CCND3: variants seen among roughly 807,000 people sequenced by gnomAD.
CCND3 encodes the protein G1/S-specific cyclin-D3.
In CCND3, 9 loss-of-function variants were observed where a neutral mutation model predicts 28.7. That is an observed-to-expected ratio of 0.31 (90% CI 0.19 to 0.55). The LOEUF is 0.55. Ranked by LOEUF, CCND3 falls within the 20% of genes least tolerant of loss-of-function variation. The pLI, the probability that CCND3 is intolerant of heterozygous loss-of-function variation, is 0.93. For synonymous variants in CCND3, 164 were observed against 163.9 expected (o/e 1.00, Z 0.00); for missense variants, 315 against 385.8 (o/e 0.82, Z 1.54).
chr6:42,012,666 C>T (rs954409739), intron 1 of CCND3, among the ~76,000 whole-genome samples: 1 of 152,098 alleles, frequency 6.6e-6, no homozygotes, highest in Non-Finnish European at 1.5e-5. Context: ...TTTCTACATG[C>T]TGGAATTCTG....
chr6:41,943,963 TGG>T (rs1776105417), upstream of CCND3, among the ~76,000 whole-genome samples: 2 of 152,244 alleles, frequency 1.3e-5, no homozygotes, highest in African/African-American at 4.8e-5. Context: ...ATTTTTTGTT[TGG>T]TTTTTTAACT....
intron 1 of CCND3, among the ~76,000 whole-genome samples, chr6:42,040,868 C>CA (rs142222742): frequency 0.037 from 4,526 of 121,582 alleles, 82 homozygotes; most frequent in African/African-American, 0.051. Flanking sequence ...AACAAACAAA[C>CA]AAAAAAAAAA....
At chr6:42,032,680 C>G (rs991296447) in intron 1 of CCND3, among the ~76,000 whole-genome samples, 1 of 152,368 alleles carries the variant, frequency 6.6e-6, no homozygotes, top group East Asian at 1.9e-4. Flanking sequence ...GTCCAGCCCC[C>G]TCCCTGACAG....
chr6:41,935,737 G>A lies in CCND3; in HGVS notation c.*203C>T. On this transcript the variant is annotated 3_prime_UTR_variant, in exon 5 of 5. Transcript: ENST00000372991. ...GGTCAGATGCAGGGAGGAGGAGCTTGACTAGCCACCGAAATGCAGACATGG... is the reference window on the plus strand; with the variant it reads ...GGTCAGATGCAGGGAGGAGGAGCTTAACTAGCCACCGAAATGCAGACATGG... 1.7e-6 allele frequency: 1 copy of A among 578,932 alleles called. No homozygotes were observed. The highest frequency in any genetic ancestry group is 2.2e-5 in the South Asian group (1 of 45,868). The allele number at this position is 578,932 out of a possible 1,614,324, so 35.9% of individuals were successfully genotyped here. A position where few individuals can be genotyped will look rare whatever the true frequency, so the allele number is the denominator to read the frequency against.
At chr6:41,942,744 C>G (rs1044800779), upstream of CCND3, among the ~76,000 whole-genome samples, 1 of 152,032 alleles carries the variant, frequency 6.6e-6, no homozygotes, top group African/African-American at 2.4e-5. Flanking sequence ...TTCCACTTGA[C>G]GAAGAGGCCG....
At chr6:41,980,759 C>A (rs368141068) in intron 1 of CCND3, among the ~76,000 whole-genome samples, 16 of 152,114 alleles carry the variant, frequency 1.1e-4, no homozygotes, top group African/African-American at 3.4e-4. Context: ...TCCGCCACAT[C>A]AATAGGCTAA....
rs565579282 is a variant in CCND3 at position 42,047,589 on chromosome 6, C to T, written c.-46+912G>A. Among the ~76,000 whole-genome samples the T allele has an allele frequency of 5.9e-5, 9 of 152,256 alleles. No individual in the cohort carries two copies. In the South Asian group the frequency reaches 1.9e-3, roughly 32 times the overall value. On this transcript the variant is annotated intron_variant, in intron 1 of 4. Coordinates refer to the CCND3 transcript ENST00000372988. ...CCCCAGGTGGACCCTCCCAGCTGTA[C>T]CCAGCTGGGAATTCCTGGGTTCTTG...
intron 1 of CCND3, among the ~76,000 whole-genome samples, chr6:42,003,920 C>T (rs960298128): frequency 1.1e-4 from 13 of 122,330 alleles, no homozygotes; most frequent in African/African-American, 3.5e-4. Flanking sequence ...GCCTGGGCGA[C>T]AGAGTGAGAC....
intron 1 of CCND3, among the ~76,000 whole-genome samples, chr6:42,028,852 C>A (rs769737528): frequency 6.6e-6 from 1 of 152,230 alleles, no homozygotes; most frequent in Non-Finnish European, 1.5e-5. Context: ...GTTCAATACA[C>A]GTTCGTGTTC....
chr6:41,964,465 T>TGTGTGTGA lies in CCND3; in HGVS notation c.-45-23881_-45-23880insTCACACAC, dbSNP rs1486870904. ...GTGAATGTGTGAGTCTGTGTGTGAG[T>TGTGTGTGA]GTGTGTGTGAGTGTGTGTGAATGTG... On this transcript the variant is annotated intron_variant, in intron 1 of 4. Coordinates refer to the CCND3 transcript ENST00000372988. Among the ~76,000 whole-genome samples, 5 of 35,226 alleles carry TGTGTGTGA rather than the reference T, an allele frequency of 1.4e-4. No individual in the cohort carries two copies. In the East Asian group the frequency reaches 3.0e-3, roughly 21 times the overall value. 23.1% of individuals were successfully genotyped at this position (35,226 alleles called of 152,430 possible).
intron 1 of CCND3, among the ~76,000 whole-genome samples, chr6:41,975,971 A>C (rs1259051853): frequency 6.6e-6 from 1 of 151,956 alleles, no homozygotes; most frequent in African/African-American, 2.4e-5. Flanking sequence ...CAGAGGGTTG[A>C]GTCAGGAGGA....
chr6:41,993,314 G>T (rs1762706596), intron 1 of CCND3, among the ~76,000 whole-genome samples: 1 of 151,904 alleles, frequency 6.6e-6, no homozygotes, highest in Non-Finnish European at 1.5e-5. Context: ...TCACAGCATA[G>T]ATGATACCTC....
At chr6:41,986,094 G>A (rs1051354957) in intron 1 of CCND3, among the ~76,000 whole-genome samples, 4 of 151,992 alleles carry the variant, frequency 2.6e-5, no homozygotes, top group Non-Finnish European at 5.9e-5. Context: ...CCATAAATGT[G>A]TGGACTTATT....
chr6:42,026,358 G>C (rs564555571), intron 1 of CCND3, among the ~76,000 whole-genome samples: 19 of 151,836 alleles, frequency 1.3e-4, no homozygotes, highest in African/African-American at 4.6e-4. Context: ...CCTGGAAGAA[G>C]GGCTCCATGA....
At chr6:42,037,397 C>T (rs557619261) in intron 1 of CCND3, among the ~76,000 whole-genome samples, 8 of 151,766 alleles carry the variant, frequency 5.3e-5, no homozygotes, top group African/African-American at 1.9e-4. Flanking sequence ...ACGACCATGC[C>T]CAGCTAATTT....
chr6:42,004,623 T>TCGGAGG (rs1005586097), intron 1 of CCND3, among the ~76,000 whole-genome samples: 2 of 151,952 alleles, frequency 1.3e-5, no homozygotes, highest in African/African-American at 4.8e-5. Context: ...TCCCAGCTAC[T>TCGGAGG]CGGAGGCTGA....
chr6:41,987,513 CTCTCTGTG>C (rs1245638266), intron 1 of CCND3, among the ~76,000 whole-genome samples: 12 of 41,866 alleles, frequency 2.9e-4, no homozygotes, highest in East Asian at 2.4e-3. Flanking sequence ...CTCTCTCTCT[CTCTCTGTG>C]TGTGTGTGTG....
intron 1 of CCND3, among the ~76,000 whole-genome samples, chr6:41,990,851 T>G (rs6458262): frequency 0.98 from 148,480 of 151,534 alleles, 72,801 homozygotes; most frequent in East Asian, 1. Flanking sequence ...CGGCTAATTT[T>G]TGTATTTTTA....
At chr6:42,045,025 C>T (rs1315753563) in intron 1 of CCND3, among the ~76,000 whole-genome samples, 4 of 146,124 alleles carry the variant, frequency 2.7e-5, no homozygotes, top group Middle Eastern at 3.6e-3. Flanking sequence ...AGGCTGGTCT[C>T]GAACTGCTGA....
Sources: allele counts gnomAD v4.1 joint callset (sites outside exome capture counted in the v4.1 genomes callset), GRCh38; gene constraint gnomAD v4.1.1; transcripts MANE v1.5; gene names NCBI Gene and HGNC (gene_info 2026-07-23, HGNC 2026-07-21).